Variants in ABCA12 observed in about 807,000 individuals in gnomAD.
ABCA12 encodes the protein ATP binding cassette subfamily A member 12, also known as glucosylceramide transporter ABCA12.
A neutral mutation model predicts 293.5 loss-of-function variants in ABCA12; 156 were observed. That is an observed-to-expected ratio of 0.53 (90% confidence interval 0.47 to 0.61). ABCA12 has a LOEUF of 0.61. Among genes scored for constraint, ABCA12 ranks in the 20% least tolerant of loss-of-function variants. The pLI is 0.00. For missense variants in ABCA12, 2,797 were observed against 3,090.2 expected, an observed-to-expected ratio of 0.91 and a Z score of 2.25; for synonymous variants, 1,063 against 1,108.0, an observed-to-expected ratio of 0.96 and a Z score of 0.81.
In ABCA12 at chr2:215,013,608, C is replaced by T. The variant is rs558004386; in HGVS notation, c.1957-1473G>A. On this transcript the variant is annotated intron_variant, in intron 15 of 52. Coordinates refer to ENST00000272895, the MANE Select transcript of ABCA12 (RefSeq NM_173076.3). ...ATTAACGTGAAATAAATTGGCATGC[C>T]GACGTTTAACGGCTAGACTCAACAG... The T allele has an allele frequency of 4.9e-4, 75 of 154,292 alleles. 1 individual carries two copies. The highest frequency in any genetic ancestry group is 1.1e-3 in the Admixed American group (17 of 15,286). The allele number at this position is 154,292 out of a possible 1,614,324, so 9.6% of individuals were successfully genotyped here. A position where few individuals can be genotyped will look rare whatever the true frequency, so the allele number is the denominator to read the frequency against.
At chr2:215,031,481 C>A (rs966765435) in intron 9 of ABCA12, among the ~76,000 whole-genome samples, 1 of 152,142 alleles carries the variant, frequency 6.6e-6, no homozygotes, top group African/African-American at 2.4e-5. Context: ...CAGATACTTA[C>A]ACACTGTTTG....
intron 19 of ABCA12, among the ~76,000 whole-genome samples, chr2:215,006,086 G>C (rs1700247273): frequency 6.6e-6 from 1 of 152,118 alleles, no homozygotes; most frequent in South Asian, 2.1e-4. Context: ...ACAGAATCAA[G>C]ATCCTTCCAT....
intron 40 of ABCA12, among the ~76,000 whole-genome samples, chr2:214,958,698 C>T (rs963181829): frequency 3.3e-5 from 5 of 152,158 alleles, no homozygotes; most frequent in African/African-American, 9.7e-5. Context: ...CGGTCTCCAA[C>T]GGTTACAGAG....
At position 214,997,798 on chromosome 2, in the gene ABCA12, C is replaced by A. The variant is rs1700067132; in HGVS notation, c.3191G>T (p.Ser1064Ile). The part of the protein sequence containing the change: ...PCFMKDNFLT[S>I]VSYSLPIVLM... ...CACAATTGGAAGAGAATAAGAGACA[C>A]TGGTTAGGAAGCTGTAAAACAAACA... Residue 1064 changes from serine (S) to isoleucine (I), a missense_variant, in exon 23 of 53, where the codon AGT (serine) becomes ATT (isoleucine). Ser to Ile is a moderately radical substitution (Grantham distance 142). Coordinates refer to ENST00000272895, the MANE Select transcript of ABCA12 (RefSeq NM_173076.3). 6.2e-7 allele frequency: 1 copy of A among 1,608,966 alleles called. No individual in the cohort carries two copies. Among genetic ancestry groups the A allele is most frequent in the African/African-American group, 1.3e-5 (1 of 74,770 alleles).
chr2:214,983,111 T>C (rs1415583177), intron 29 of ABCA12, among the ~76,000 whole-genome samples: 1 of 152,130 alleles, frequency 6.6e-6, no homozygotes, highest in African/African-American at 2.4e-5. Flanking sequence ...GCTAGGCCAG[T>C]GTGCCTTGAG....
chr2:215,119,264 C>T (rs1702751539), intron 1 of ABCA12, among the ~76,000 whole-genome samples: 1 of 152,208 alleles, frequency 6.6e-6, no homozygotes, highest in South Asian at 2.1e-4. Context: ...AGCCACTACT[C>T]CCTGCTGATG....
intron 2 of ABCA12, among the ~76,000 whole-genome samples, chr2:215,086,249 C>A (rs1702035421): frequency 6.6e-6 from 1 of 152,186 alleles, no homozygotes; most frequent in South Asian, 2.1e-4. Context: ...TAGCAACTAT[C>A]AATTAACTTT....
rs201039917 is a variant in ABCA12, at chr2:214,966,799, A to G, written c.5884+49T>C. ...GGATATAAAGTGCATTTTTATACAA[A>G]GAGTAACAGAAGTTGCAATACAGGA... is the stretch of plus-strand genomic sequence containing the variant. On this transcript the variant is annotated intron_variant, in intron 39 of 52. Transcript: ENST00000272895. The G allele has an allele frequency of 5.2e-6, 8 of 1,552,380 alleles. No individual in the cohort carries two copies. In the East Asian group the frequency reaches 1.6e-4, roughly 31 times the overall value.
chr2:214,945,584 A>T (rs1240766786), intron 48 of ABCA12, among the ~76,000 whole-genome samples: 3 of 152,124 alleles, frequency 2.0e-5, no homozygotes, highest in African/African-American at 7.2e-5. Flanking sequence ...GAAATCTAAC[A>T]CTCCTTGGGA....
intron 23 of ABCA12, among the ~76,000 whole-genome samples, chr2:214,993,407 T>C (rs1033115587): frequency 3.9e-5 from 6 of 152,192 alleles, no homozygotes; most frequent in Admixed American, 2.0e-4. Flanking sequence ...ACCTCAGATA[T>C]CTTATTCCAG....
rs1016223004 is a variant in ABCA12, at chr2:215,005,976, G to A, written c.2593-1677C>T. Among the ~76,000 whole-genome samples, 3 of 152,166 alleles carry A rather than the reference G, an allele frequency of 2.0e-5. No homozygotes were observed. The South Asian group carries it at 6.2e-4, about 32-fold the overall frequency. ...AGTCATTCACCTAAGGGTTCACAGT[G>A]GCAAAGCCAGTTCTTGTGCCAAAAG... On this transcript the variant is annotated intron_variant, in intron 19 of 52. Transcript: ENST00000272895.
chr2:214,982,349 G>A lies in ABCA12; in HGVS notation c.4417C>T (p.His1473Tyr). Reference sequence around the variant, plus strand: ...CCTGACAGTGTTCCAACTCTCTTATGACGATGGCTATATAGTCCAGTATCT... The same window carrying A: ...CCTGACAGTGTTCCAACTCTCTTATAACGATGGCTATATAGTCCAGTATCT... ...LKDTGLYSHR[H>Y]KRVGTLSGGM... is the part of the protein sequence containing the mutation. Residue 1473 changes from histidine (H) to tyrosine (Y), a missense_variant, in exon 30 of 53, where the codon CAT becomes TAT. His to Tyr is a moderately conservative substitution (Grantham distance 83, BLOSUM62 2). Coordinates refer to ENST00000272895, the MANE Select transcript of ABCA12 (RefSeq NM_173076.3). 1 of 1,613,906 alleles carries A rather than the reference G, an allele frequency of 6.2e-7. No homozygotes were observed. The highest frequency in any genetic ancestry group is 8.5e-7 in the Non-Finnish European group (1 of 1,179,942).
chr2:215,045,742 A>T, intron 7 of ABCA12, 95 bp downstream of exon 7: 2 of 1,154,024 alleles, frequency 1.7e-6, no homozygotes, highest in Non-Finnish European at 2.5e-6. Flanking sequence ...CTCTGTGTTT[A>T]AATAACCCAG....
chr2:215,017,806 A>T (rs1272327524), intron 14 of ABCA12: 2 of 641,664 alleles, frequency 3.1e-6, no homozygotes, highest in African/African-American at 3.7e-5. Flanking sequence ...AAATAAAGAG[A>T]AAAGGGACAC....
At chr2:215,080,027 A>T (rs1198977896) in intron 2 of ABCA12, among the ~76,000 whole-genome samples, 2 of 151,996 alleles carry the variant, frequency 1.3e-5, no homozygotes, top group Non-Finnish European at 2.9e-5. Context: ...CTAGTTGGGG[A>T]TTTTCTTTCT....
At chr2:215,001,478 T>C in intron 21 of ABCA12, 80 bp downstream of exon 21, 1 of 1,584,012 alleles carries the variant, frequency 6.3e-7, no homozygotes, top group Admixed American at 1.7e-5. Flanking sequence ...TTTTCTGAGT[T>C]CTGGATGAAA....
intron 4 of ABCA12, among the ~76,000 whole-genome samples, chr2:215,053,026 G>A (rs1280354830): frequency 6.6e-6 from 1 of 152,010 alleles, no homozygotes; most frequent in Non-Finnish European, 1.5e-5. Flanking sequence ...ATCCAATTGG[G>A]ACACCGAAAT....
At chr2:215,076,663 CAT>C (rs1701840779) in intron 2 of ABCA12, among the ~76,000 whole-genome samples, 1 of 152,096 alleles carries the variant, frequency 6.6e-6, no homozygotes, top group South Asian at 2.1e-4. Flanking sequence ...AAAACACACA[CAT>C]GTGCAAAAGG....
At chr2:214,942,593 G>A (rs1008279001) in intron 50 of ABCA12, among the ~76,000 whole-genome samples, 2 of 151,926 alleles carry the variant, frequency 1.3e-5, no homozygotes, top group African/African-American at 4.8e-5. Context: ...ATTTATTATT[G>A]GGTAAACTCT....
Sources: gnomAD v4.1 joint callset for allele counts (sites outside exome capture counted in the v4.1 genomes callset) on GRCh38, gnomAD v4.1.1 for gene constraint, MANE v1.5 for transcripts, NCBI Gene and HGNC (gene_info 2026-07-23, HGNC 2026-07-21) for gene names.